The following SNN variants were observed in gnomAD, a reference collection of about 807,000 sequenced individuals.
The protein encoded by SNN is stannin, also known as AG8_1.
Under a neutral mutation model 5.3 loss-of-function variants are expected in SNN, and 5 were observed. That is an observed-to-expected ratio of 0.94 (90% CI 0.49 to 1.97). The LOEUF is 1.97. Among genes scored for constraint, SNN ranks in the 30% most tolerant of loss-of-function variants. The probability of loss-of-function intolerance (pLI) is 0.01; values close to 1 mark genes in which losing one functional copy is unlikely to be tolerated. For missense variants in SNN, 127 were observed against 121.6 expected, an observed-to-expected ratio of 1.04 and a Z score of -0.21; for synonymous variants, 67 against 52.1, an observed-to-expected ratio of 1.29 and a Z score of -1.24.
intron 1 of SNN, among the ~76,000 whole-genome samples, chr16:11,670,991 C>T (rs186263232): frequency 6.6e-6 from 1 of 152,320 alleles, no homozygotes; most frequent in East Asian, 1.9e-4. Flanking sequence ...TTGGCAAACC[C>T]GGCAGGACAG....
At position 11,676,809 on chromosome 16, in the gene SNN, C is replaced by A. The variant is rs1243310200; in HGVS notation, c.*483C>A. 5.8e-6 allele frequency: 1 copy of A among 173,388 alleles called. No individual in the cohort carries two copies. The highest frequency in any genetic ancestry group is 1.4e-5 in the Non-Finnish European group (1 of 71,516). The allele number at this position is 173,388 out of a possible 1,614,324, so 10.7% of individuals were successfully genotyped here. A position where few individuals can be genotyped will look rare whatever the true frequency, so the allele number is the denominator to read the frequency against. On this transcript the variant is annotated 3_prime_UTR_variant, in exon 2 of 2. Coordinates refer to ENST00000329565, the MANE Select transcript of SNN (RefSeq NM_003498.6). ...CATAGGCTTGTAAAGGCCCACGCCA[C>A]ACTCGGCAGGGGTCTCTCATGTGTG... is the stretch of plus-strand genomic sequence containing the variant.
chr16:11,669,300 C>G (rs913133186), intron 1 of SNN, among the ~76,000 whole-genome samples: 2 of 152,256 alleles, frequency 1.3e-5, no homozygotes, highest in African/African-American at 4.8e-5. Context: ...CGCTGTCACC[C>G]CTAAGTCCCC....
rs1264571844 is a variant in SNN, at chr16:11,668,803, G to GT, written c.-86+264dup. ...GGCGGCGGGGGGCGGAGGCCGCTTTGTGGGGATCGCGGGGCGCTCGCCCCC... is the reference window on the plus strand; with the variant it reads ...GGCGGCGGGGGGCGGAGGCCGCTTTGTTGGGGATCGCGGGGCGCTCGCCCCC... On this transcript the variant is annotated intron_variant, in intron 1 of 1. Coordinates refer to ENST00000329565, the MANE Select transcript of SNN (RefSeq NM_003498.6). The surrounding 1 kb of genome is among the most constrained non-coding windows in gnomAD (Gnocchi z 6.8). 7.3e-5 allele frequency among the ~76,000 whole-genome samples: 11 copies of GT among 151,510 alleles called. No individual in the cohort carries two copies. The highest frequency in any genetic ancestry group is 2.7e-4 in the African/African-American group (11 of 41,352).
At position 11,672,504 on chromosome 16, in the gene SNN, C is replaced by T. The variant is rs1179473417; in HGVS notation, c.-85-3471C>T. Reference sequence around the variant, plus strand: ...GCTCGCAGCGGAGGGTGTGGGGACGCCTGGGGAGGCAGGGAGCTTGGATTC... The same window carrying T: ...GCTCGCAGCGGAGGGTGTGGGGACGTCTGGGGAGGCAGGGAGCTTGGATTC... On this transcript the variant is annotated intron_variant, in intron 1 of 1. Transcript: ENST00000329565. This position sits in a 1 kb window ranked among gnomAD's most constrained non-coding sequence, Gnocchi z 6.0. Among the ~76,000 whole-genome samples the T allele has an allele frequency of 6.6e-6, 1 of 152,104 alleles. No individual in the cohort carries two copies. Among genetic ancestry groups the T allele is most frequent in the East Asian group, 1.9e-4 (1 of 5,200 alleles).
Position 11,677,859 on chromosome 16 carries a change from T to C in SNN, c.*1533T>C, listed in dbSNP as rs2050319621. 1 of 167,150 alleles carries C rather than the reference T, an allele frequency of 6.0e-6. No homozygotes were observed. Among genetic ancestry groups the C allele is most frequent in the South Asian group, 2.1e-4 (1 of 4,834 alleles). 10.4% of individuals were successfully genotyped at this position (167,150 alleles called of 1,614,324 possible). ...CTGCTCAGACTAAAGGCACCTCCTC[T>C]GGCCTCACCCAAGCCTCTTCTAAAA... On this transcript the variant is annotated 3_prime_UTR_variant, in exon 2 of 2. Transcript: ENST00000329565. The surrounding 1 kb of genome is among the most constrained non-coding windows in gnomAD (Gnocchi z 4.2).
chr16:11,675,945 C>CA, intron 1 of SNN, 30 bp from the exon 2 acceptor site: 1 of 1,143,734 alleles, frequency 8.7e-7, no homozygotes, highest in Non-Finnish European at 1.2e-6. Context: ...AAGTGCTAAC[C>CA]GCAGCTCGTC....
intron 1 of SNN, among the ~76,000 whole-genome samples, chr16:11,673,497 C>T (rs772265287): frequency 3.9e-5 from 6 of 152,198 alleles, no homozygotes; most frequent in Non-Finnish European, 8.8e-5. Flanking sequence ...TGTCTTTCTC[C>T]AGCCGGGCCA....
chr16:11,671,811 G>A lies in SNN; in HGVS notation c.-86+3271G>A, dbSNP rs190902644. Among the ~76,000 whole-genome samples, 68 of 152,314 alleles carry A rather than the reference G, an allele frequency of 4.5e-4. No homozygotes were observed. The highest frequency in any genetic ancestry group is 1.5e-3 in the African/African-American group (64 of 41,560). ...ACAGGTGGGGTCCAGCCAGGCACAG[G>A]GGCTTGTGGGGACCTGCTGCCCTCC... On this transcript the variant is annotated intron_variant, in intron 1 of 1. Coordinates refer to ENST00000329565, the MANE Select transcript of SNN (RefSeq NM_003498.6). This position sits in a 1 kb window ranked among gnomAD's most constrained non-coding sequence, Gnocchi z 4.7.
chr16:11,670,196 G>A (rs2050258243), intron 1 of SNN, among the ~76,000 whole-genome samples: 1 of 151,410 alleles, frequency 6.6e-6, no homozygotes, highest in Non-Finnish European at 1.5e-5. Flanking sequence ...AGAGTTTGTT[G>A]GCACCCTTGG....
At position 11,676,017 on chromosome 16, in the gene SNN, A is replaced by AC; in HGVS notation, c.-38dup. The AC allele has an allele frequency of 6.5e-7, 1 of 1,533,478 alleles. No individual in the cohort carries two copies. Among genetic ancestry groups the AC allele is most frequent in the Non-Finnish European group, 8.8e-7 (1 of 1,139,146 alleles). 95.0% of individuals were successfully genotyped at this position (1,533,478 alleles called of 1,614,324 possible). ...TGAGTTCCAGCCTCACTGAGTGGCCACCCCCAAAGTGCTGCCAGCCGAGGA... is the reference window on the plus strand; with the variant it reads ...TGAGTTCCAGCCTCACTGAGTGGCCACCCCCCAAAGTGCTGCCAGCCGAGGA... On this transcript the variant is annotated 5_prime_UTR_variant, in exon 2 of 2. Coordinates refer to ENST00000329565, the MANE Select transcript of SNN (RefSeq NM_003498.6).
intron 1 of SNN, among the ~76,000 whole-genome samples, chr16:11,669,923 T>A (rs942956386): frequency 1.3e-5 from 2 of 152,154 alleles, no homozygotes; most frequent in African/African-American, 4.8e-5. Flanking sequence ...GAGGATGAGA[T>A]AACACTGGCC....
At chr16:11,670,365 A>G (rs952802893) in intron 1 of SNN, among the ~76,000 whole-genome samples, 1 of 152,044 alleles carries the variant, frequency 6.6e-6, no homozygotes, top group Non-Finnish European at 1.5e-5. Context: ...AATGCTCATG[A>G]TGTGCCCGGT....
intron 1 of SNN, among the ~76,000 whole-genome samples, chr16:11,673,381 T>G (rs1012812102): frequency 6.6e-6 from 1 of 152,098 alleles, no homozygotes; most frequent in Non-Finnish European, 1.5e-5. Context: ...CAGGTGGCCA[T>G]GCTCCAGAAG....
rs1038645583 is a variant in SNN at position 11,668,498 on chromosome 16, G to C, written c.-128G>C. On this transcript the variant is annotated 5_prime_UTR_variant, in exon 1 of 2. Transcript: ENST00000329565. This position sits in a 1 kb window ranked among gnomAD's most constrained non-coding sequence, Gnocchi z 6.8. ...CCGGGCGGGCGGAGCCGGGCCCGCGGGGCTGCTGCGGGGCGATCGGGCCGG... is the reference window on the plus strand; with the variant it reads ...CCGGGCGGGCGGAGCCGGGCCCGCGCGGCTGCTGCGGGGCGATCGGGCCGG... The C allele has an allele frequency of 7.5e-5, 11 of 145,818 alleles. No individual in the cohort carries two copies. Among genetic ancestry groups the C allele is most frequent in the African/African-American group, 2.7e-4 (11 of 40,712 alleles). The allele number at this position is 145,818 out of a possible 1,614,324, so 9.0% of individuals were successfully genotyped here.
At position 11,672,434 on chromosome 16, in the gene SNN, G is replaced by A. The variant is rs1290115192; in HGVS notation, c.-85-3541G>A. Among the ~76,000 whole-genome samples the A allele has an allele frequency of 6.6e-6, 1 of 152,192 alleles. No homozygotes were observed. Among genetic ancestry groups the A allele is most frequent in the African/African-American group, 2.4e-5 (1 of 41,436 alleles). ...CGCCTTCTGAGAAAGTCCCGAATAGGAAGGTGCCAGCCGTGGGGCGGTCAG... is the reference window on the plus strand; with the variant it reads ...CGCCTTCTGAGAAAGTCCCGAATAGAAAGGTGCCAGCCGTGGGGCGGTCAG... On this transcript the variant is annotated intron_variant, in intron 1 of 1. Coordinates refer to ENST00000329565, the MANE Select transcript of SNN (RefSeq NM_003498.6). This position sits in a 1 kb window ranked among gnomAD's most constrained non-coding sequence, Gnocchi z 6.0.
At position 11,672,182 on chromosome 16, in the gene SNN, A is replaced by AC. The variant is rs886723245; in HGVS notation, c.-86+3645dup. 6.6e-6 allele frequency among the ~76,000 whole-genome samples: 1 copy of AC among 152,116 alleles called. No individual in the cohort carries two copies. The highest frequency in any genetic ancestry group is 2.4e-5 in the African/African-American group (1 of 41,412). ...ACCATTCACTGAGCACCTACTGTGT[A>AC]CCCGTGCAGGGCAGGGGTACAGCTG... On this transcript the variant is annotated intron_variant, in intron 1 of 1. Coordinates refer to ENST00000329565, the MANE Select transcript of SNN (RefSeq NM_003498.6). The surrounding 1 kb of genome is among the most constrained non-coding windows in gnomAD (Gnocchi z 6.0).
At position 11,679,023 on chromosome 16, in the gene SNN, T is replaced by C. The variant is rs2050335617; in HGVS notation, c.*2697T>C. The C allele has an allele frequency of 4.2e-6, 3 of 716,428 alleles. No homozygotes were observed. Among genetic ancestry groups the C allele is most frequent in the Non-Finnish European group, 6.9e-6 (3 of 433,176 alleles). The allele number at this position is 716,428 out of a possible 1,614,324, so 44.4% of individuals were successfully genotyped here. ...ATTTGTCTCAAAGCTACCAAGTTTG[T>C]GCAATAAGTGGAAGGGATGTCATCC... is the stretch of plus-strand genomic sequence containing the variant. On this transcript the variant is annotated 3_prime_UTR_variant, in exon 2 of 2. Coordinates refer to ENST00000329565, the MANE Select transcript of SNN (RefSeq NM_003498.6). This position sits in a 1 kb window ranked among gnomAD's most constrained non-coding sequence, Gnocchi z 4.6.
rs973455054 is a variant in SNN, at chr16:11,677,998, G to A, written c.*1672G>A. The A allele has an allele frequency of 1.8e-5, 3 of 167,214 alleles. No individual in the cohort carries two copies. The highest frequency in any genetic ancestry group is 2.9e-5 in the Non-Finnish European group (2 of 68,182). 10.4% of individuals were successfully genotyped at this position (167,214 alleles called of 1,614,324 possible). On this transcript the variant is annotated 3_prime_UTR_variant, in exon 2 of 2. Coordinates refer to ENST00000329565, the MANE Select transcript of SNN (RefSeq NM_003498.6). The surrounding 1 kb of genome is among the most constrained non-coding windows in gnomAD (Gnocchi z 4.2). ...TTTAAACATTAAGTAGGAGCTTGGG[G>A]TGGAAGAGGGACAGCCGGCTGGGCC...
At chr16:11,670,720 C>G (rs976907580) in intron 1 of SNN, among the ~76,000 whole-genome samples, 9 of 152,206 alleles carry the variant, frequency 5.9e-5, no homozygotes, top group African/African-American at 1.9e-4. Context: ...GAGTGCTGGT[C>G]TGGGAGGATG....
Sources: gnomAD v4.1 joint callset for allele counts (sites outside exome capture counted in the v4.1 genomes callset) on GRCh38, gnomAD v4.1.1 for gene constraint, Gnocchi (gnomAD v3.1) non-coding constraint, MANE v1.5 for transcripts, NCBI Gene and HGNC (gene_info 2026-07-23, HGNC 2026-07-21) for gene names.